MFHAS1: variants seen among roughly 807,000 people sequenced by gnomAD.
MFHAS1 encodes multifunctional ROCO family signaling regulator 1, also known as malignant fibrous histiocytoma-amplified sequence 1.
A neutral mutation model predicts 70.4 loss-of-function variants in MFHAS1; 50 were observed. The ratio of observed to expected loss-of-function variants is 0.71; its 90% CI spans 0.57 to 0.90. The LOEUF is 0.90. MFHAS1 is among the 40% of genes least tolerant of loss of function. The pLI is 0.00. For synonymous variants in MFHAS1, 952 were observed against 620.0 expected (o/e 1.54, Z -7.96); for missense variants, 1,795 against 1,347.6 (o/e 1.33, Z -5.20).
At chr8:8,849,772 G>C (rs1029590521) in intron 1 of MFHAS1, among the ~76,000 whole-genome samples, 1 of 152,170 alleles carries the variant, frequency 6.6e-6, no homozygotes, top group Non-Finnish European at 1.5e-5. Context: ...TTCTAGCAAG[G>C]GCAAAAGTTA....
chr8:8,792,189 A>T (rs189235070), intron 2 of MFHAS1, among the ~76,000 whole-genome samples: 25 of 152,206 alleles, frequency 1.6e-4, no homozygotes, highest in African/African-American at 5.3e-4. Flanking sequence ...GTGAGCCGAG[A>T]TCATGCCACT....
intron 1 of MFHAS1, among the ~76,000 whole-genome samples, chr8:8,850,443 G>C (rs1233480519): frequency 1.3e-5 from 2 of 152,212 alleles, no homozygotes; most frequent in Non-Finnish European, 1.5e-5. Context: ...AATTGGAACA[G>C]ACTTTAGAGA....
In MFHAS1 at chr8:8,891,284, T is replaced by C. The variant is rs1442790200; in HGVS notation, c.1775A>G (p.His592Arg). 14 of 1,611,770 alleles carry C rather than the reference T, an allele frequency of 8.7e-6. No individual in the cohort carries two copies. Among genetic ancestry groups the C allele is most frequent in the African/African-American group, 1.3e-5 (1 of 74,932 alleles). ...GTCCGAAACGCCATAGTAGGCTGCG[T>C]GGGGGCTGGCAGAGCGCAGCTCGAA... ...RDFELRSASP[H>R]AAYYGVSDKN... is the part of the protein sequence containing the mutation. The change falls in exon 1 of 3, where the codon CAC (histidine) becomes CGC (arginine). Residue 592 changes from histidine to arginine, a missense_variant. By Grantham distance (29) the His-to-Arg change is conservative. Transcript: ENST00000276282. This position sits in a 1 kb window ranked among gnomAD's most constrained non-coding sequence, Gnocchi z 5.4.
chr8:8,802,454 G>C (rs532066456), intron 1 of MFHAS1, among the ~76,000 whole-genome samples: 1 of 152,308 alleles, frequency 6.6e-6, no homozygotes, highest in African/African-American at 2.4e-5. Context: ...AATACACAAA[G>C]AGTTCATACA....
chr8:8,829,467 G>C (rs926423144), intron 1 of MFHAS1, among the ~76,000 whole-genome samples: 1 of 152,194 alleles, frequency 6.6e-6, no homozygotes. Flanking sequence ...GATCACTTGA[G>C]GTCAGGAGTT....
intron 1 of MFHAS1, among the ~76,000 whole-genome samples, chr8:8,871,012 C>T (rs1328215363): frequency 1.3e-5 from 2 of 152,126 alleles, no homozygotes; most frequent in African/African-American, 4.8e-5. Context: ...CCTCTGCCTC[C>T]GGGGGTTATT....
At position 8,785,551 on chromosome 8, in the gene MFHAS1, G is replaced by A. The variant is rs2117236437; in HGVS notation, c.*471C>T. On this transcript the variant is annotated 3_prime_UTR_variant, in exon 3 of 3. Coordinates refer to ENST00000276282, the MANE Select transcript of MFHAS1 (RefSeq NM_004225.3). ...AAACTGTATAAATTTAAATGTATTT[G>A]CATATTATAAAAATAAAGATAAACA... 1 of 156,072 alleles carries A rather than the reference G, an allele frequency of 6.4e-6. No individual in the cohort carries two copies. The highest frequency in any genetic ancestry group is 6.3e-5 in the Admixed American group (1 of 15,942). 9.7% of individuals were successfully genotyped at this position (156,072 alleles called of 1,614,324 possible). A position where few individuals can be genotyped will look rare whatever the true frequency, so the allele number is the denominator to read the frequency against.
intron 1 of MFHAS1, among the ~76,000 whole-genome samples, chr8:8,847,185 G>GT (rs1039917020): frequency 2.0e-5 from 3 of 151,782 alleles, no homozygotes; most frequent in Non-Finnish European, 2.9e-5. Context: ...AATATTTTTT[G>GT]TTTTTTTTCT....
chr8:8,832,058 G>GCACA lies in MFHAS1; in HGVS notation c.2999-34568_2999-34567insTGTG, dbSNP rs1432578979. Among the ~76,000 whole-genome samples, 1,231 of 146,034 alleles carry GCACA rather than the reference G, an allele frequency of 8.4e-3. 8 individuals carry two copies. Among genetic ancestry groups the GCACA allele is most frequent in the Middle Eastern group, 0.017 (5 of 294 alleles). Reference sequence around the variant, plus strand: ...TCAAGGCGCACATGCACGCGCGCGCGCGCGCACACACACACACACACACAC... The same window carrying GCACA: ...TCAAGGCGCACATGCACGCGCGCGCGCACACGCGCACACACACACACACACACAC... On this transcript the variant is annotated intron_variant, in intron 1 of 2. Transcript: ENST00000276282.
chr8:8,837,740 T>A (rs1807652527), intron 1 of MFHAS1, among the ~76,000 whole-genome samples: 1 of 151,460 alleles, frequency 6.6e-6, no homozygotes, highest in South Asian at 2.1e-4. Context: ...TGCACACCCA[T>A]TAGGAGGGCT....
intron 1 of MFHAS1, among the ~76,000 whole-genome samples, chr8:8,850,730 C>G (rs1315888820): frequency 6.8e-6 from 1 of 146,080 alleles, no homozygotes; most frequent in Non-Finnish European, 1.5e-5. Context: ...GAGGCTGAAG[C>G]AGGAGAATCG....
intron 2 of MFHAS1, among the ~76,000 whole-genome samples, chr8:8,787,407 G>A (rs1387691144): frequency 1.3e-5 from 2 of 152,210 alleles, no homozygotes; most frequent in South Asian, 2.1e-4. Context: ...AGGGAACTAA[G>A]GTTCCAAAAG....
intron 1 of MFHAS1, among the ~76,000 whole-genome samples, chr8:8,886,461 C>A (rs937319846): frequency 6.6e-6 from 1 of 152,132 alleles, no homozygotes; most frequent in Admixed American, 6.5e-5. Context: ...AGCCACTGCA[C>A]GCTGCCCATT....
At chr8:8,856,599 T>C (rs1808448841) in intron 1 of MFHAS1, among the ~76,000 whole-genome samples, 2 of 152,208 alleles carry the variant, frequency 1.3e-5, no homozygotes, top group South Asian at 2.1e-4. Flanking sequence ...ATTGGGAAAT[T>C]AGCTTAATAG....
intron 1 of MFHAS1, among the ~76,000 whole-genome samples, chr8:8,875,835 C>T (rs927226121): frequency 6.6e-6 from 1 of 152,202 alleles, no homozygotes; most frequent in African/African-American, 2.4e-5. Context: ...GATCCGCCCG[C>T]CTCGGCCTCC....
intron 1 of MFHAS1, among the ~76,000 whole-genome samples, chr8:8,884,928 C>T (rs1297654245): frequency 6.6e-6 from 1 of 151,946 alleles, no homozygotes; most frequent in African/African-American, 2.4e-5. Context: ...ATTCCAACCT[C>T]GGTGACAGAG....
chr8:8,817,077 G>A (rs1806774239), intron 1 of MFHAS1, among the ~76,000 whole-genome samples: 1 of 152,146 alleles, frequency 6.6e-6, no homozygotes, highest in African/African-American at 2.4e-5. Flanking sequence ...GGTAATTAGA[G>A]ATCAGGACAC....
chr8:8,824,535 A>T (rs1420228467), intron 1 of MFHAS1, among the ~76,000 whole-genome samples: 20 of 44,804 alleles, frequency 4.5e-4, no homozygotes, highest in Middle Eastern at 9.3e-3. Context: ...ACACACACAC[A>T]CACACACACA....
At chr8:8,835,323 G>A (rs1807558936) in intron 1 of MFHAS1, among the ~76,000 whole-genome samples, 1 of 152,062 alleles carries the variant, frequency 6.6e-6, no homozygotes, top group African/African-American at 2.4e-5. Context: ...ATTAAATACT[G>A]CAAGAAAAGT....
Sources: allele counts gnomAD v4.1 joint callset (sites outside exome capture counted in the v4.1 genomes callset), GRCh38; gene constraint gnomAD v4.1.1; non-coding constraint Gnocchi (gnomAD v3.1); transcripts MANE v1.5; gene names NCBI Gene and HGNC (gene_info 2026-07-23, HGNC 2026-07-21).